The following MGMT variants were observed in gnomAD, a reference collection of about 807,000 sequenced individuals.
The protein encoded by MGMT is O-6-methylguanine-DNA methyltransferase.
MGMT carries 14 observed loss-of-function variants against 15.9 expected under a neutral mutation model. That is an observed-to-expected ratio of 0.88 (90% CI 0.58 to 1.37). The LOEUF (loss-of-function observed/expected upper bound fraction) is 1.37, where lower values mean the gene tolerates loss of function less well. Among genes scored for constraint, MGMT ranks in the 40% most tolerant of loss-of-function variants. The pLI is 0.00. For synonymous variants in MGMT, 130 were observed against 118.2 expected (o/e 1.10, Z -0.65); for missense variants, 282 against 268.1 (o/e 1.05, Z -0.36).
chr10:129,609,416 T>G (rs1403741833), intron 2 of MGMT, among the ~76,000 whole-genome samples: 1 of 151,668 alleles, frequency 6.6e-6, no homozygotes, highest in African/African-American at 2.4e-5. Context: ...CTGGAGCCCC[T>G]GGAGGCTGGA....
intron 1 of MGMT, among the ~76,000 whole-genome samples, chr10:129,488,523 T>C (rs550703486): frequency 6.6e-6 from 1 of 152,246 alleles, no homozygotes; most frequent in African/African-American, 2.4e-5. Flanking sequence ...GTTTTCATTC[T>C]CTTTATAGTG....
At position 129,556,660 on chromosome 10, in the gene MGMT, G is replaced by A. The variant is rs967496101; in HGVS notation, c.125+20283G>A. On this transcript the variant is annotated intron_variant, in intron 2 of 4. Coordinates refer to ENST00000651593, the MANE Select transcript of MGMT (RefSeq NM_002412.5). The surrounding 1 kb of genome is among the most constrained non-coding windows in gnomAD (Gnocchi z 4.3). ...ATCCCAGACAGTGTTCATAAACACC[G>A]ACGGCAAAGTCAGGACGGGCAGGAG... 5.9e-5 allele frequency among the ~76,000 whole-genome samples: 9 copies of A among 152,186 alleles called. No homozygotes were observed. The highest frequency in any genetic ancestry group is 4.6e-4 in the Admixed American group (7 of 15,286).
rs1845215092 is a variant in MGMT at position 129,470,206 on chromosome 10, C to T, written c.-13+2910C>T. Among the ~76,000 whole-genome samples the T allele has an allele frequency of 2.0e-5, 3 of 152,068 alleles. No individual in the cohort carries two copies. The South Asian group carries it at 6.2e-4, about 31-fold the overall frequency. ...GAGGTTTGAGCTGTGCAGGAGGGTC[C>T]TTGGTTGGCATGAGGATTTTGTGAA... On this transcript the variant is annotated intron_variant, in intron 1 of 4. Transcript: ENST00000651593.
In MGMT at chr10:129,488,014, C is replaced by CATAGGTAT. The variant is rs1564832165; in HGVS notation, c.-13+20719_-13+20720insTAGGTATA. ...ACACACACATAGGTATACACACACA[C>CATAGGTAT]ACACACACACACACACACACACACA... On this transcript the variant is annotated intron_variant, in intron 1 of 4. Coordinates refer to ENST00000651593, the MANE Select transcript of MGMT (RefSeq NM_002412.5). Among the ~76,000 whole-genome samples, 41 of 126,164 alleles carry CATAGGTAT rather than the reference C, an allele frequency of 3.2e-4. No individual in the cohort carries two copies. The East Asian group carries it at 0.012, about 36-fold the overall frequency. The allele number at this position is 126,164 out of a possible 152,430, so 82.8% of individuals were successfully genotyped here.
intron 2 of MGMT, among the ~76,000 whole-genome samples, chr10:129,673,226 C>T (rs1024137306): frequency 2.0e-5 from 3 of 152,180 alleles, no homozygotes; most frequent in African/African-American, 7.2e-5. Context: ...AAAATTGTCG[C>T]TGTCTGCTCT....
rs1846357148 is a variant in MGMT at position 129,566,611 on chromosome 10, A to G, written c.125+30234A>G. Among the ~76,000 whole-genome samples the G allele has an allele frequency of 6.6e-6, 1 of 151,932 alleles. No individual in the cohort carries two copies. The highest frequency in any genetic ancestry group is 1.5e-5 in the Non-Finnish European group (1 of 67,986). ...CACAGCAGCCCTCGCATTCCTACAC[A>G]TACCCCTTTGCCCGTGGGATTTTTG... On this transcript the variant is annotated intron_variant, in intron 2 of 4. Transcript: ENST00000651593. This position sits in a 1 kb window ranked among gnomAD's most constrained non-coding sequence, Gnocchi z 4.1.
intron 2 of MGMT, among the ~76,000 whole-genome samples, chr10:129,538,171 A>G (rs1846006029): frequency 6.6e-6 from 1 of 152,262 alleles, no homozygotes; most frequent in African/African-American, 2.4e-5. Flanking sequence ...TAAAAATTAC[A>G]TAGAAGTCAG....
intron 1 of MGMT, among the ~76,000 whole-genome samples, chr10:129,490,265 T>G (rs1183290196): frequency 6.6e-6 from 1 of 152,188 alleles, no homozygotes; most frequent in South Asian, 2.1e-4. Context: ...TTAAGTGATT[T>G]TTCTGCATCT....
intron 2 of MGMT, among the ~76,000 whole-genome samples, chr10:129,594,498 G>C (rs1846727348): frequency 6.6e-6 from 1 of 152,216 alleles, no homozygotes; most frequent in Non-Finnish European, 1.5e-5. Context: ...AGAGGGTACT[G>C]CTATGAGAAG....
intron 2 of MGMT, among the ~76,000 whole-genome samples, chr10:129,652,130 T>C (rs1362099276): frequency 6.6e-6 from 1 of 152,134 alleles, no homozygotes. Context: ...GGGGGAGTTA[T>C]GAAACCAGGA....
intron 1 of MGMT, among the ~76,000 whole-genome samples, chr10:129,526,141 A>T (rs773173022): frequency 6.6e-6 from 1 of 152,166 alleles, no homozygotes; most frequent in South Asian, 2.1e-4. Context: ...GTGGCCCTTT[A>T]TACTTGGTGA....
Position 129,533,413 on chromosome 10 carries a change from T to A in MGMT, c.-12-2828T>A, listed in dbSNP as rs573171029. ...GAGCCCTGAGCCCAGGCCTCCTGAC[T>A]CCGACAGCCTGCAGCCCTGCCCGAA... On this transcript the variant is annotated intron_variant, in intron 1 of 4. Transcript: ENST00000651593. The surrounding 1 kb of genome is among the most constrained non-coding windows in gnomAD (Gnocchi z 4.5). 6.6e-6 allele frequency among the ~76,000 whole-genome samples: 1 copy of A among 151,992 alleles called. No individual in the cohort carries two copies. Among genetic ancestry groups the A allele is most frequent in the East Asian group, 1.9e-4 (1 of 5,148 alleles).
chr10:129,741,940 T>C (rs1848638215), intron 3 of MGMT, among the ~76,000 whole-genome samples: 1 of 152,200 alleles, frequency 6.6e-6, no homozygotes, highest in African/African-American at 2.4e-5. Context: ...CTGAGCCTAG[T>C]GCTCCTTTCT....
intron 2 of MGMT, among the ~76,000 whole-genome samples, chr10:129,637,148 G>A (rs1847272553): frequency 1.3e-5 from 2 of 152,232 alleles, no homozygotes; most frequent in Non-Finnish European, 2.9e-5. Context: ...GGTGTAAGTG[G>A]AGTTCACACC....
At chr10:129,491,047 T>G (rs527877370) in intron 1 of MGMT, among the ~76,000 whole-genome samples, 14 of 152,288 alleles carry the variant, frequency 9.2e-5, no homozygotes, top group Non-Finnish European at 1.8e-4. Flanking sequence ...CTTTTGTCAC[T>G]GTTTAAACGT....
At chr10:129,626,745 G>GAAGCGCCTTACGTA (rs1847154711) in intron 2 of MGMT, among the ~76,000 whole-genome samples, 1 of 152,220 alleles carries the variant, frequency 6.6e-6, no homozygotes, top group African/African-American at 2.4e-5. Flanking sequence ...ACACCGTGGT[G>GAAGCGCCTTACGTA]AAGCGCCTTA....
intron 2 of MGMT, among the ~76,000 whole-genome samples, chr10:129,652,599 A>T (rs748865221): frequency 3.9e-5 from 6 of 152,232 alleles, no homozygotes; most frequent in Non-Finnish European, 7.3e-5. Context: ...GTCCCCAGGC[A>T]TGGGCACCTG....
intron 2 of MGMT, among the ~76,000 whole-genome samples, chr10:129,630,877 C>T (rs1479130770): frequency 2.6e-5 from 4 of 152,180 alleles, no homozygotes; most frequent in African/African-American, 9.7e-5. Flanking sequence ...ATACAGTTCA[C>T]TTAAAGAAAA....
At chr10:129,606,419 G>T (rs981142906) in intron 2 of MGMT, among the ~76,000 whole-genome samples, 6 of 152,180 alleles carry the variant, frequency 3.9e-5, no homozygotes, top group Non-Finnish European at 7.3e-5. Flanking sequence ...GTAATTGGTG[G>T]CTTTTCCTGC....
Sources: allele counts gnomAD v4.1 joint callset (sites outside exome capture counted in the v4.1 genomes callset), GRCh38; gene constraint gnomAD v4.1.1; non-coding constraint Gnocchi (gnomAD v3.1); transcripts MANE v1.5; gene names NCBI Gene and HGNC (gene_info 2026-07-23, HGNC 2026-07-21).